Variants in SCG5 observed in about 807,000 individuals in gnomAD.
SCG5 encodes neuroendocrine protein 7B2.
SCG5 carries 18 observed loss-of-function variants against 25.7 expected under a neutral mutation model. The observed-to-expected ratio is 0.70, with a 90% CI of 0.48 to 1.04. SCG5 has a LOEUF of 1.04. SCG5 is among the 50% of genes least tolerant of loss of function. The probability of loss-of-function intolerance (pLI) is 0.00; values close to 1 mark genes in which losing one functional copy is unlikely to be tolerated. For missense variants in SCG5, 206 were observed against 259.8 expected, an observed-to-expected ratio of 0.79 and a Z score of 1.42; for synonymous variants, 101 against 91.7, an observed-to-expected ratio of 1.10 and a Z score of -0.58.
At chr15:32,653,585 G>T (rs1439974862) in intron 2 of SCG5, among the ~76,000 whole-genome samples, 1 of 152,152 alleles carries the variant, frequency 6.6e-6, no homozygotes, top group African/African-American at 2.4e-5. Context: ...TCATATAAAC[G>T]TGGGGGCTGG....
intron 2 of SCG5, among the ~76,000 whole-genome samples, chr15:32,646,535 G>A (rs2053946417): frequency 6.6e-6 from 1 of 152,168 alleles, no homozygotes; most frequent in African/African-American, 2.4e-5. Context: ...ATGATCCTGG[G>A]AGTGACTATC....
intron 3 of SCG5, among the ~76,000 whole-genome samples, chr15:32,681,277 C>T (rs1483359722): frequency 6.6e-6 from 1 of 151,872 alleles, no homozygotes; most frequent in Non-Finnish European, 1.5e-5. Flanking sequence ...TACTTTTGCA[C>T]CAATCTAATA....
chr15:32,655,443 C>T (rs2054102082), intron 2 of SCG5, among the ~76,000 whole-genome samples: 1 of 152,192 alleles, frequency 6.6e-6, no homozygotes, highest in African/African-American at 2.4e-5. Context: ...AGTTCGGCAC[C>T]ACCATGCCCT....
At chr15:32,670,168 A>G (rs1290572292) in intron 2 of SCG5, among the ~76,000 whole-genome samples, 1 of 152,252 alleles carries the variant, frequency 6.6e-6, no homozygotes, top group Non-Finnish European at 1.5e-5. Context: ...GAAGGAATGA[A>G]AACAAATGCC....
chr15:32,665,340 A>G (rs1310454702), intron 2 of SCG5, among the ~76,000 whole-genome samples: 2 of 151,040 alleles, frequency 1.3e-5, no homozygotes, highest in Non-Finnish European at 2.9e-5. Flanking sequence ...AAACGATCAC[A>G]TCAGCATTAG....
chr15:32,663,279 TC>T (rs1234899627), intron 2 of SCG5, among the ~76,000 whole-genome samples: 5 of 151,774 alleles, frequency 3.3e-5, no homozygotes, highest in African/African-American at 9.7e-5. Flanking sequence ...GAAACTCCAT[TC>T]CCCTTAGCCA....
intron 5 of SCG5, among the ~76,000 whole-genome samples, chr15:32,695,719 G>T (rs369101407): frequency 6.6e-6 from 1 of 152,112 alleles, no homozygotes; most frequent in Non-Finnish European, 1.5e-5. Flanking sequence ...GTCTTCAGAT[G>T]TTAATTCCCA....
intron 4 of SCG5, among the ~76,000 whole-genome samples, chr15:32,689,738 C>A (rs1471506176): frequency 3.9e-5 from 6 of 152,260 alleles, no homozygotes; most frequent in Admixed American, 2.0e-4. Context: ...CAGACACTTT[C>A]ATGCAGGGGT....
intron 4 of SCG5, among the ~76,000 whole-genome samples, chr15:32,684,968 GT>G (rs2054679974): frequency 6.6e-6 from 1 of 152,122 alleles, no homozygotes; most frequent in Admixed American, 6.5e-5. Flanking sequence ...AATTTCACCA[GT>G]GTTTCATGCA....
chr15:32,652,276 A>C (rs867308670), intron 2 of SCG5, among the ~76,000 whole-genome samples: 2 of 152,086 alleles, frequency 1.3e-5, no homozygotes, highest in Admixed American at 1.3e-4. Context: ...GGGGCCCACC[A>C]TACCTGCAGG....
At chr15:32,663,951 C>A (rs1303296917) in intron 2 of SCG5, among the ~76,000 whole-genome samples, 1 of 152,142 alleles carries the variant, frequency 6.6e-6, no homozygotes, top group Non-Finnish European at 1.5e-5. Flanking sequence ...GGCCATCAAA[C>A]CAATGATATT....
intron 2 of SCG5, among the ~76,000 whole-genome samples, chr15:32,670,970 G>C (rs1409494801): frequency 6.6e-6 from 1 of 152,192 alleles, no homozygotes; most frequent in Admixed American, 6.5e-5. Flanking sequence ...GACTAGATAG[G>C]AAAAGCAGCT....
At chr15:32,659,175 C>G (rs75950490) in intron 2 of SCG5, among the ~76,000 whole-genome samples, 8 of 145,774 alleles carry the variant, frequency 5.5e-5, no homozygotes, top group African/African-American at 2.0e-4. Context: ...GACTCTGTCT[C>G]AAAAAAAAAC....
intron 2 of SCG5, among the ~76,000 whole-genome samples, chr15:32,644,756 G>A (rs1035097811): frequency 6.6e-6 from 1 of 152,194 alleles, no homozygotes; most frequent in Non-Finnish European, 1.5e-5. Context: ...TTTGCCCATG[G>A]AGTGGGTCCG....
intron 5 of SCG5, chr15:32,692,133 A>C: frequency 9.2e-7 from 1 of 1,081,960 alleles, no homozygotes; most frequent in Non-Finnish European, 1.1e-6. Flanking sequence ...ACACATCTGC[A>C]TCAATTCTAT....
intron 2 of SCG5, among the ~76,000 whole-genome samples, chr15:32,646,313 T>C (rs1389238433): frequency 2.6e-5 from 4 of 152,340 alleles, no homozygotes; most frequent in African/African-American, 9.6e-5. Context: ...AGGTGTCGTC[T>C]TGGCTGCAGC....
chr15:32,686,426 A>G (rs1330905382), intron 4 of SCG5, among the ~76,000 whole-genome samples: 1 of 152,228 alleles, frequency 6.6e-6, no homozygotes, highest in East Asian at 1.9e-4. Flanking sequence ...AATCCAAGAC[A>G]TTTTAAAGGG....
chr15:32,660,124 G>A (rs764173973), intron 2 of SCG5, among the ~76,000 whole-genome samples: 4 of 152,114 alleles, frequency 2.6e-5, no homozygotes, highest in South Asian at 2.1e-4. Context: ...TTTGGCAGTC[G>A]TCTATCATTT....
chr15:32,650,935 C>T (rs1447261557), intron 2 of SCG5, among the ~76,000 whole-genome samples: 2 of 152,232 alleles, frequency 1.3e-5, no homozygotes, highest in Admixed American at 6.5e-5. Flanking sequence ...CGATGGCTCA[C>T]GCCTGTAATC....
Sources: allele counts gnomAD v4.1 joint callset (sites outside exome capture counted in the v4.1 genomes callset), GRCh38; gene constraint gnomAD v4.1.1; transcripts MANE v1.5; gene names NCBI Gene and HGNC (gene_info 2026-07-23, HGNC 2026-07-21).